The following SEMA3A variants were observed in gnomAD, a reference collection of about 807,000 sequenced individuals.
The protein encoded by SEMA3A is semaphorin 3A.
In SEMA3A, 29 loss-of-function variants were observed where a neutral mutation model predicts 97.9. The ratio of observed to expected loss-of-function variants is 0.30; its 90% CI spans 0.22 to 0.40. The LOEUF (loss-of-function observed/expected upper bound fraction) is 0.40, where lower values mean the gene tolerates loss of function less well. SEMA3A is among the 10% of genes least tolerant of loss of function. The pLI is 1.00. For missense variants in SEMA3A, 763 were observed against 951.3 expected, an observed-to-expected ratio of 0.80 and a Z score of 2.60; for synonymous variants, 321 against 323.7, an observed-to-expected ratio of 0.99 and a Z score of 0.09.
chr7:84,356,047 G>A (rs1353303096), intron 2 of SEMA3A, among the ~76,000 whole-genome samples: 1 of 151,876 alleles, frequency 6.6e-6, no homozygotes, highest in East Asian at 1.9e-4. Context: ...TTTGCTACAT[G>A]TCTAACTCAT....
At chr7:84,258,860 A>T (rs1799776969) in intron 3 of SEMA3A, among the ~76,000 whole-genome samples, 1 of 151,858 alleles carries the variant, frequency 6.6e-6, no homozygotes, top group Non-Finnish European at 1.5e-5. Context: ...AACTTGTCTT[A>T]TTCCAAAACC....
At chr7:84,484,888 T>A (rs1023134610) in intron 1 of SEMA3A, among the ~76,000 whole-genome samples, 1 of 152,212 alleles carries the variant, frequency 6.6e-6, no homozygotes, top group Non-Finnish European at 1.5e-5. Context: ...AATGGAACTA[T>A]AATACAAACA....
intron 4 of SEMA3A, among the ~76,000 whole-genome samples, chr7:84,072,194 C>A (rs955868651): frequency 6.6e-6 from 1 of 151,976 alleles, no homozygotes; most frequent in African/African-American, 2.4e-5. Context: ...GTCCCTTTAT[C>A]TTTATAATCT....
chr7:84,195,953 A>T (rs780977897), upstream of SEMA3A, among the ~76,000 whole-genome samples: 1 of 152,202 alleles, frequency 6.6e-6, no homozygotes, highest in Non-Finnish European at 1.5e-5. Flanking sequence ...GTTCCTTCTG[A>T]AACAAGTAGT....
chr7:84,256,117 T>C (rs987531238), intron 3 of SEMA3A, among the ~76,000 whole-genome samples: 1 of 152,062 alleles, frequency 6.6e-6, no homozygotes, highest in African/African-American at 2.4e-5. Flanking sequence ...CCTGCTTAAA[T>C]ACATACATAA....
intron 1 of SEMA3A, among the ~76,000 whole-genome samples, chr7:84,410,361 T>C (rs1804228527): frequency 6.6e-6 from 1 of 152,134 alleles, no homozygotes; most frequent in African/African-American, 2.4e-5. Context: ...TAAAAGACAT[T>C]CTTTTAATGT....
chr7:84,137,917 T>A (rs1796193413), intron 1 of SEMA3A, among the ~76,000 whole-genome samples: 1 of 152,134 alleles, frequency 6.6e-6, no homozygotes, highest in South Asian at 2.1e-4. Flanking sequence ...ACACAAGCCA[T>A]CACCACAGTA....
chr7:83,957,563 C>T lies in SEMA3A; in HGVS notation c.*3808G>A, dbSNP rs1316633880. 1 of 152,056 alleles carries T rather than the reference C, an allele frequency of 6.6e-6. No individual in the cohort carries two copies. The highest frequency in any genetic ancestry group is 1.5e-5 in the Non-Finnish European group (1 of 67,964). 9.4% of individuals were successfully genotyped at this position (152,056 alleles called of 1,614,324 possible). On this transcript the variant is annotated 3_prime_UTR_variant, in exon 17 of 17. Transcript: ENST00000265362. ...TTCCTTGGTTACGTTGATTGCGAAA[C>T]TGTCCTTACTATATGGGCTGTCACA...
intron 3 of SEMA3A, among the ~76,000 whole-genome samples, chr7:84,297,240 G>A (rs890845458): frequency 1.1e-4 from 17 of 152,140 alleles, no homozygotes; most frequent in African/African-American, 3.9e-4. Context: ...GCCTCCCAAA[G>A]TTCTGGGATT....
chr7:84,121,421 C>G (rs1303114526), intron 3 of SEMA3A, among the ~76,000 whole-genome samples: 1 of 149,630 alleles, frequency 6.7e-6, no homozygotes, highest in Non-Finnish European at 1.5e-5. Context: ...TCCAAGTGTT[C>G]TCATTGTTCA....
At chr7:83,992,545 C>T (rs933314208) in intron 12 of SEMA3A, among the ~76,000 whole-genome samples, 2 of 152,006 alleles carry the variant, frequency 1.3e-5, no homozygotes, top group African/African-American at 4.8e-5. Flanking sequence ...TTTCAAAGAA[C>T]ATCTTTATGT....
At chr7:83,988,937 A>G (rs1292777676) in intron 12 of SEMA3A, among the ~76,000 whole-genome samples, 1 of 149,424 alleles carries the variant, frequency 6.7e-6, no homozygotes, top group Non-Finnish European at 1.5e-5. Flanking sequence ...GGCTCACTGC[A>G]GGATCCGCAC....
At chr7:84,039,737 T>C (rs762812883) in intron 6 of SEMA3A, among the ~76,000 whole-genome samples, 11 of 152,200 alleles carry the variant, frequency 7.2e-5, no homozygotes, top group Middle Eastern at 3.4e-3. Context: ...ATCTAAAAAA[T>C]GTACATATGG....
chr7:84,072,795 TCATTTAA>T (rs1793791886), intron 4 of SEMA3A, among the ~76,000 whole-genome samples: 2 of 152,168 alleles, frequency 1.3e-5, no homozygotes, highest in Admixed American at 1.3e-4. Context: ...TTAGCTATTT[TCATTTAA>T]CATTTAAGTG....
chr7:84,323,681 C>T (rs916702916), intron 2 of SEMA3A, among the ~76,000 whole-genome samples: 13 of 152,092 alleles, frequency 8.5e-5, no homozygotes, highest in Non-Finnish European at 1.8e-4. Context: ...AAATGGAAAG[C>T]TTATTCTCTG....
intron 3 of SEMA3A, among the ~76,000 whole-genome samples, chr7:84,227,226 A>T (rs1799011040): frequency 6.6e-6 from 1 of 151,872 alleles, no homozygotes; most frequent in Admixed American, 6.6e-5. Context: ...AGAAGATTCA[A>T]CAGCCAACAG....
At chr7:84,270,471 G>C (rs555155722) in intron 3 of SEMA3A, among the ~76,000 whole-genome samples, 9 of 150,450 alleles carry the variant, frequency 6.0e-5, no homozygotes, top group Non-Finnish European at 1.0e-4. Context: ...TTGCTTATCA[G>C]CCTTTGGCAA....
intron 4 of SEMA3A, among the ~76,000 whole-genome samples, chr7:84,070,243 G>T (rs1793689948): frequency 6.6e-6 from 1 of 152,090 alleles, no homozygotes; most frequent in African/African-American, 2.4e-5. Context: ...TTACATGATT[G>T]CATCAGTTTT....
At chr7:84,273,712 T>TAC (rs1420944649) in intron 3 of SEMA3A, among the ~76,000 whole-genome samples, 1 of 152,136 alleles carries the variant, frequency 6.6e-6, no homozygotes, top group African/African-American at 2.4e-5. Flanking sequence ...TTAATATATA[T>TAC]ACATGCAATG....
Sources: gnomAD v4.1 joint callset for allele counts (sites outside exome capture counted in the v4.1 genomes callset) on GRCh38, gnomAD v4.1.1 for gene constraint, MANE v1.5 for transcripts, NCBI Gene and HGNC (gene_info 2026-07-23, HGNC 2026-07-21) for gene names.